RPS24: variants seen among roughly 807,000 people sequenced by gnomAD.
RPS24 encodes ribosomal protein S24.
For missense variants in RPS24, 100 were observed against 162.5 expected (o/e 0.62, Z 2.09); for synonymous variants, 72 against 55.6 (o/e 1.30, Z -1.31).
intron 4 of RPS24, chr10:78,037,520 A>C: frequency 5.8e-5 from 38 of 655,898 alleles, no homozygotes; most frequent in East Asian, 1.7e-4. Flanking sequence ...TTGTCAGCTC[A>C]CAGCACAATC....
chr10:78,042,999 A>G (rs1006580636), downstream of RPS24, among the ~76,000 whole-genome samples: 1 of 106,168 alleles, frequency 9.4e-6, no homozygotes, highest in African/African-American at 2.7e-5. Context: ...CTGCGCGCGC[A>G]CACACATACA....
chr10:78,037,083 G>T (rs1355766660), intron 3 of RPS24, 111 bp from the exon 4 acceptor site: 1 of 1,375,390 alleles, frequency 7.3e-7, no homozygotes, highest in Non-Finnish European at 1.0e-6. Context: ...AAAAGTTTTG[G>T]TTTAGAAAGC....
chr10:78,047,442 A>T lies in RPS24; in HGVS notation c.391-7089A>T, dbSNP rs527848504. Among the ~76,000 whole-genome samples the T allele has an allele frequency of 3.9e-4, 60 of 152,098 alleles. 1 individual carries two copies. The highest frequency in any genetic ancestry group is 3.1e-3 in the Admixed American group (48 of 15,266). On this transcript the variant is annotated intron_variant, in intron 4 of 4. Transcript: ENST00000440692. ...TCACTTGGTGAAATAAAGACGTGTG[A>T]TGCACTATGCAGACTCCCACAAGGG...
exon 5 of RPS24, chr10:78,054,647 A>T: frequency 6.4e-7 from 1 of 1,551,722 alleles, no homozygotes. Context: ...GGCAGGTAGA[A>T]GTGCCAGGAC....
At chr10:78,046,712 T>C (rs1050368153) in intron 4 of RPS24, among the ~76,000 whole-genome samples, 3 of 152,144 alleles carry the variant, frequency 2.0e-5, no homozygotes, top group Admixed American at 6.5e-5. Flanking sequence ...ATGAGGAAAT[T>C]GAGGCTCAAA....
downstream of RPS24, among the ~76,000 whole-genome samples, chr10:78,043,519 A>G (rs114973747): frequency 4.8e-3 from 729 of 152,362 alleles, 7 homozygotes; most frequent in African/African-American, 0.017. Flanking sequence ...CATGACTGCC[A>G]GCAGGGTGCC....
chr10:78,051,240 A>G (rs181353336), intron 4 of RPS24, among the ~76,000 whole-genome samples: 28 of 152,164 alleles, frequency 1.8e-4, no homozygotes, highest in African/African-American at 4.6e-4. Flanking sequence ...GTCTCTCCCT[A>G]TTTCCCTCAA....
At chr10:78,055,366 A>ATT (rs5786317) in exon 5 of RPS24, 4,127 of 178,514 alleles carry the variant, frequency 0.023, 157 homozygotes, top group African/African-American at 0.084. Flanking sequence ...GAAGTTAGAG[A>ATT]TTTTTTTTTT....
intron 5 of RPS24, 152 bp downstream of exon 5, chr10:78,040,377 C>A: frequency 2.6e-6 from 2 of 766,498 alleles, no homozygotes; most frequent in South Asian, 1.7e-5. Context: ...CTAACAGTGA[C>A]ATGGTTTTGT....
intron 4 of RPS24, among the ~76,000 whole-genome samples, chr10:78,047,991 A>G (rs1423207488): frequency 1.3e-5 from 2 of 152,138 alleles, no homozygotes; most frequent in East Asian, 1.9e-4. Flanking sequence ...TCAGTTTCCT[A>G]CACTGTAGGA....
At position 78,040,500 on chromosome 10, in the gene RPS24, T is replaced by G. The variant is rs3740252; in HGVS notation, c.*20-115T>G. 1.5e-3 allele frequency: 1,251 copies of G among 830,590 alleles called. 20 individuals carry two copies. In the East Asian group the frequency reaches 0.023, roughly 15 times the overall value. 51.5% of individuals were successfully genotyped at this position (830,590 alleles called of 1,614,324 possible). ...GTGTTATGATAACATCAAAATAACT[T>G]GATATTCTAGGTTACTAATAATTGT... On this transcript the variant is annotated intron_variant, in intron 5 of 5. Transcript: ENST00000372360.
At chr10:78,042,915 C>T (rs773736721), downstream of RPS24, among the ~76,000 whole-genome samples, 2 of 152,198 alleles carry the variant, frequency 1.3e-5, no homozygotes, top group Non-Finnish European at 2.9e-5. Flanking sequence ...CCCTTAAAGA[C>T]AGCATCTTAC....
At chr10:78,040,755 T>A (rs1438480310), downstream of RPS24, 3 of 1,277,946 alleles carry the variant, frequency 2.3e-6, no homozygotes, top group Middle Eastern at 1.9e-4. Flanking sequence ...GAGGTTAGTC[T>A]GCTGATTTCA....
At chr10:78,039,971 G>T (rs868741883) in intron 4 of RPS24, 13 of 604,860 alleles carry the variant, frequency 2.1e-5, no homozygotes, top group African/African-American at 2.0e-4. Flanking sequence ...CGGCTACCTC[G>T]TTTGCATAAG....
downstream of RPS24, among the ~76,000 whole-genome samples, chr10:78,041,830 T>A (rs1003683212): frequency 2.0e-5 from 3 of 152,110 alleles, no homozygotes; most frequent in Non-Finnish European, 4.4e-5. Flanking sequence ...GGAAATAGTT[T>A]CTGATGTGAA....
chr10:78,044,194 A>G (rs765182122), downstream of RPS24, among the ~76,000 whole-genome samples: 5 of 152,276 alleles, frequency 3.3e-5, no homozygotes, highest in Admixed American at 3.3e-4. Context: ...AGGGAGGATT[A>G]CTGTAACACC....
downstream of RPS24, among the ~76,000 whole-genome samples, chr10:78,042,995 G>T (rs767059016): frequency 8.5e-6 from 1 of 117,740 alleles, no homozygotes; most frequent in Non-Finnish European, 2.0e-5. Context: ...TAATCTGCGC[G>T]CGCACACACA....
chr10:78,035,432 A>G lies in RPS24; in HGVS notation c.69+15A>G, dbSNP rs755853225. ...GGAAACAAATGGTAAGGAAGGGCAC[A>G]TCAATCTTTGCTTAATTGTCCTTTA... is the stretch of plus-strand genomic sequence containing the variant. On this transcript the variant is annotated intron_variant, in intron 2 of 5. Coordinates refer to ENST00000372360, the MANE Select transcript of RPS24 (RefSeq NM_033022.4). 1.2e-6 allele frequency: 2 copies of G among 1,613,868 alleles called. No individual in the cohort carries two copies. Among genetic ancestry groups the G allele is most frequent in the South Asian group, 2.2e-5 (2 of 91,084 alleles).
downstream of RPS24, among the ~76,000 whole-genome samples, chr10:78,044,203 C>T (rs762915961): frequency 2.0e-5 from 3 of 152,100 alleles, no homozygotes; most frequent in Non-Finnish European, 2.9e-5. Context: ...TACTGTAACA[C>T]CAGCAGTGGC....
Sources: gnomAD v4.1 joint callset for allele counts (sites outside exome capture counted in the v4.1 genomes callset) on GRCh38, gnomAD v4.1.1 for gene constraint, MANE v1.5 for transcripts, NCBI Gene and HGNC (gene_info 2026-07-23, HGNC 2026-07-21) for gene names.